The following SYNDIG1 variants were observed in gnomAD, a reference collection of about 807,000 sequenced individuals.
The protein encoded by SYNDIG1 is synapse differentiation-inducing gene protein 1.
In SYNDIG1, 9 loss-of-function variants were observed where a neutral mutation model predicts 19.4. That is an observed-to-expected ratio of 0.46 (90% CI 0.28 to 0.81). SYNDIG1 has a LOEUF of 0.81. Among genes scored for constraint, SYNDIG1 ranks in the 30% least tolerant of loss-of-function variants. SYNDIG1 has a pLI of 0.12. For missense variants in SYNDIG1, 311 were observed against 343.3 expected (o/e 0.91, Z 0.74); for synonymous variants, 141 against 145.9 (o/e 0.97, Z 0.24).
At chr20:24,531,002 G>A (rs751827950) in intron 1 of SYNDIG1, among the ~76,000 whole-genome samples, 4 of 152,006 alleles carry the variant, frequency 2.6e-5, no homozygotes, top group African/African-American at 9.7e-5. Flanking sequence ...TAGAGACAGG[G>A]TTTCACCATG....
intron 3 of SYNDIG1, among the ~76,000 whole-genome samples, chr20:24,632,483 G>A (rs987779911): frequency 2.0e-5 from 3 of 152,098 alleles, no homozygotes; most frequent in African/African-American, 7.2e-5. Flanking sequence ...TAGGTGATCA[G>A]CCTGCCTCGG....
intron 1 of SYNDIG1, among the ~76,000 whole-genome samples, chr20:24,482,005 A>G (rs1351192965): frequency 2.0e-5 from 3 of 152,240 alleles, no homozygotes; most frequent in East Asian, 1.9e-4. Context: ...TGGAACGCAT[A>G]TAATAATCTG....
intron 1 of SYNDIG1, among the ~76,000 whole-genome samples, chr20:24,512,849 C>T (rs889482337): frequency 6.6e-6 from 1 of 152,172 alleles, no homozygotes; most frequent in Non-Finnish European, 1.5e-5. Context: ...CCCTGACCCC[C>T]GAGTAGCCTA....
chr20:24,659,780 C>T (rs1422998457), intron 3 of SYNDIG1, among the ~76,000 whole-genome samples: 1 of 152,194 alleles, frequency 6.6e-6, no homozygotes, highest in Non-Finnish European at 1.5e-5. Flanking sequence ...TGAAGTCAGC[C>T]TCTCAATTCC....
intron 1 of SYNDIG1, among the ~76,000 whole-genome samples, chr20:24,527,004 A>G (rs948433489): frequency 7.9e-5 from 12 of 152,134 alleles, no homozygotes; most frequent in Non-Finnish European, 4.4e-5. Flanking sequence ...TAATGTGTCA[A>G]TGTGGTATTT....
intron 1 of SYNDIG1, among the ~76,000 whole-genome samples, chr20:24,492,463 A>G (rs1004655026): frequency 2.0e-5 from 3 of 152,198 alleles, no homozygotes. Flanking sequence ...TTTCAAAGGA[A>G]AAACAAAACC....
In SYNDIG1 at chr20:24,632,667, C is replaced by T. The variant is rs146812777; in HGVS notation, c.619-32679C>T. On this transcript the variant is annotated intron_variant, in intron 3 of 3. Coordinates refer to ENST00000376862, the MANE Select transcript of SYNDIG1 (RefSeq NM_024893.3). ...CCTTTTCTTGTTCTTTGTCAAGAGT[C>T]CAGGTAACAAGATGATAACGTGGCC... 1.2e-4 allele frequency among the ~76,000 whole-genome samples: 19 copies of T among 152,308 alleles called. No homozygotes were observed. In the East Asian group the frequency reaches 3.1e-3, roughly 25 times the overall value.
chr20:24,516,780 A>G (rs2056875852), intron 1 of SYNDIG1, among the ~76,000 whole-genome samples: 1 of 152,220 alleles, frequency 6.6e-6, no homozygotes, highest in Non-Finnish European at 1.5e-5. Flanking sequence ...AGGATCTAGA[A>G]CTAGAAATAC....
intron 2 of SYNDIG1, among the ~76,000 whole-genome samples, chr20:24,575,243 G>A (rs1481620993): frequency 1.3e-5 from 2 of 152,144 alleles, no homozygotes; most frequent in Non-Finnish European, 1.5e-5. Flanking sequence ...AGTCTTCATG[G>A]GGATGTGCTA....
intron 3 of SYNDIG1, among the ~76,000 whole-genome samples, chr20:24,662,812 A>G (rs898760954): frequency 1.6e-4 from 25 of 152,254 alleles, no homozygotes; most frequent in African/African-American, 5.1e-4. Flanking sequence ...AAGGAAAACC[A>G]GCCACAAGAA....
chr20:24,473,009 C>A (rs1744036663), intron 1 of SYNDIG1, among the ~76,000 whole-genome samples: 1 of 152,174 alleles, frequency 6.6e-6, no homozygotes, highest in South Asian at 2.1e-4. Flanking sequence ...ACCCTGTGCC[C>A]CTCACATTGG....
At chr20:24,564,502 A>G (rs955615292) in intron 2 of SYNDIG1, among the ~76,000 whole-genome samples, 2 of 152,236 alleles carry the variant, frequency 1.3e-5, no homozygotes, top group South Asian at 2.1e-4. Context: ...GTTACAGGCC[A>G]TGAGGCTGTA....
chr20:24,521,200 C>T (rs188189248), intron 1 of SYNDIG1, among the ~76,000 whole-genome samples: 12 of 152,294 alleles, frequency 7.9e-5, no homozygotes, highest in Non-Finnish European at 1.5e-4. Context: ...CCATATTTTG[C>T]GTATTCATTC....
intron 3 of SYNDIG1, among the ~76,000 whole-genome samples, chr20:24,650,757 A>G (rs562800462): frequency 1.3e-5 from 2 of 152,302 alleles, no homozygotes; most frequent in Non-Finnish European, 2.9e-5. Context: ...TGAAAATGCA[A>G]TGTATCTTGT....
intron 3 of SYNDIG1, among the ~76,000 whole-genome samples, chr20:24,626,193 C>T (rs575685158): frequency 0.023 from 3,131 of 138,670 alleles, 48 homozygotes; most frequent in Middle Eastern, 0.052. Flanking sequence ...CCCTCCCGGA[C>T]GGGGCGGCTG....
In SYNDIG1 at chr20:24,658,286, A is replaced by G. The variant is rs142334299; in HGVS notation, c.619-7060A>G. Among the ~76,000 whole-genome samples, 1 of 152,162 alleles carries G rather than the reference A, an allele frequency of 6.6e-6. No individual in the cohort carries two copies. Among genetic ancestry groups the G allele is most frequent in the Admixed American group, 6.5e-5 (1 of 15,298 alleles). On this transcript the variant is annotated intron_variant, in intron 3 of 3. Transcript: ENST00000376862. This position sits in a 1 kb window ranked among gnomAD's most constrained non-coding sequence, Gnocchi z 4.4. ...GACAGCCCAGAGCCCAGCACTTCAG[A>G]CATCTCCAGGGTGTCTCGGGGAAAG...
chr20:24,657,664 G>C (rs994386411), intron 3 of SYNDIG1, among the ~76,000 whole-genome samples: 1 of 152,264 alleles, frequency 6.6e-6, no homozygotes, highest in Middle Eastern at 3.4e-3. Flanking sequence ...ACGTGTGTTG[G>C]GGGGTCTGCG....
At chr20:24,653,214 C>T (rs1032368690) in intron 3 of SYNDIG1, among the ~76,000 whole-genome samples, 12 of 152,060 alleles carry the variant, frequency 7.9e-5, no homozygotes, top group African/African-American at 2.7e-4. Flanking sequence ...GATGTCAGCA[C>T]GTTTTGGAAG....
At chr20:24,492,078 C>T (rs1388722353) in intron 1 of SYNDIG1, among the ~76,000 whole-genome samples, 1 of 152,214 alleles carries the variant, frequency 6.6e-6, no homozygotes, top group Non-Finnish European at 1.5e-5. Context: ...AGGCAAGAGG[C>T]CCCCGGCCGG....
Sources: gnomAD v4.1 joint callset for allele counts (sites outside exome capture counted in the v4.1 genomes callset) on GRCh38, gnomAD v4.1.1 for gene constraint, Gnocchi (gnomAD v3.1) non-coding constraint, MANE v1.5 for transcripts, NCBI Gene and HGNC (gene_info 2026-07-23, HGNC 2026-07-21) for gene names.